Variants in EPHA3 observed in about 807,000 individuals in gnomAD.
The protein encoded by EPHA3 is EPH receptor A3, also known as ephrin type-A receptor 3.
In EPHA3, 42 loss-of-function variants were observed where a neutral mutation model predicts 107.1. The observed-to-expected ratio is 0.39, with a 90% confidence interval of 0.31 to 0.51. The LOEUF (loss-of-function observed/expected upper bound fraction) is 0.51, where lower values mean the gene tolerates loss of function less well. Among genes scored for constraint, EPHA3 ranks in the 20% least tolerant of loss-of-function variants. The pLI is 0.78. For synonymous variants in EPHA3, 461 were observed against 424.8 expected (o/e 1.09, Z -1.05); for missense variants, 1,183 against 1,211.2 (o/e 0.98, Z 0.35).
intron 5 of EPHA3, among the ~76,000 whole-genome samples, chr3:89,360,910 A>G (rs575822638): frequency 6.6e-6 from 1 of 151,082 alleles, no homozygotes; most frequent in South Asian, 2.1e-4. Context: ...TAATTGACCA[A>G]TGACAAAATT....
At chr3:89,365,805 A>G (rs1322837218) in intron 5 of EPHA3, among the ~76,000 whole-genome samples, 1 of 150,558 alleles carries the variant, frequency 6.6e-6, no homozygotes, top group Non-Finnish European at 1.5e-5. Flanking sequence ...TTCCCTTGAA[A>G]CAGAAAGCCC....
At chr3:89,223,767 A>G (rs1015911324) in intron 3 of EPHA3, among the ~76,000 whole-genome samples, 2 of 152,164 alleles carry the variant, frequency 1.3e-5, no homozygotes, top group African/African-American at 2.4e-5. Context: ...TAGCTTCCTC[A>G]TATGTAGATC....
At chr3:89,311,410 C>A (rs1007897608) in intron 3 of EPHA3, among the ~76,000 whole-genome samples, 2 of 151,930 alleles carry the variant, frequency 1.3e-5, no homozygotes, top group Admixed American at 1.3e-4. Flanking sequence ...TGAAACCATG[C>A]AAACTTTGGT....
At chr3:89,162,188 G>A (rs1202853890) in intron 2 of EPHA3, among the ~76,000 whole-genome samples, 1 of 151,840 alleles carries the variant, frequency 6.6e-6, no homozygotes, top group Admixed American at 6.6e-5. Context: ...ATTAAAATTG[G>A]GGATAACATG....
At chr3:89,334,068 A>C (rs1481675576) in intron 3 of EPHA3, among the ~76,000 whole-genome samples, 1 of 152,172 alleles carries the variant, frequency 6.6e-6, no homozygotes, top group Non-Finnish European at 1.5e-5. Context: ...CATTCCCATA[A>C]AATTCACAAA....
chr3:89,297,473 C>A (rs1404433072), intron 3 of EPHA3, among the ~76,000 whole-genome samples: 1 of 152,064 alleles, frequency 6.6e-6, no homozygotes, highest in Non-Finnish European at 1.5e-5. Context: ...ATTAAGGTTG[C>A]CATCTTTTAT....
intron 2 of EPHA3, among the ~76,000 whole-genome samples, chr3:89,141,484 C>A (rs1299949987): frequency 1.3e-5 from 2 of 151,542 alleles, no homozygotes; most frequent in Non-Finnish European, 3.0e-5. Flanking sequence ...ATAACTGATG[C>A]ATGTCTTGGT....
At chr3:89,274,025 A>G (rs1168822351) in intron 3 of EPHA3, among the ~76,000 whole-genome samples, 1 of 151,940 alleles carries the variant, frequency 6.6e-6, no homozygotes, top group African/African-American at 2.4e-5. Context: ...GAGTTGCCTT[A>G]TTTGACCTCA....
In EPHA3 at chr3:89,107,807, G is replaced by A. The variant is rs2106932572; in HGVS notation, c.59G>A (p.Gly20Glu). Residue 20 changes from glycine to glutamate, a missense_variant, in exon 1 of 17, where the codon GGG (glycine) becomes GAG (glutamate). Transcript: ENST00000336596. ...AGCTGCTCTGTTCTCGACAGCTTCG[G>A]GGAACTGATTCCGCAGCCTTCCAAT... ...LLSCSVLDSF[G>E]ELIPQPSNEV... 3.1e-6 allele frequency: 5 copies of A among 1,614,102 alleles called. No homozygotes were observed. The highest frequency in any genetic ancestry group is 4.2e-6 in the Non-Finnish European group (5 of 1,180,012).
chr3:89,168,208 G>T (rs1484143025), intron 2 of EPHA3, among the ~76,000 whole-genome samples: 1 of 152,108 alleles, frequency 6.6e-6, no homozygotes, highest in Non-Finnish European at 1.5e-5. Context: ...ATTTGTCCTA[G>T]ACCTCTGGCT....
In EPHA3 at chr3:89,413,201, C is replaced by G. The variant is rs776181530; in HGVS notation, c.1823C>G (p.Ala608Gly). The change falls in exon 10 of 17, where the codon GCT becomes GGT. Residue 608 changes from alanine (A) to glycine (G), a missense_variant. By Grantham distance (60) the Ala-to-Gly change is moderately conservative (BLOSUM62 0). Transcript: ENST00000336596. ...DPHTYEDPTQAVHEFAKELDA... is the reference protein window; with the variant it reads ...DPHTYEDPTQGVHEFAKELDA... ...CATACATATGAAGACCCTACCCAAG[C>G]TGTTCATGAGTTTGCCAAGGAATTG... is the stretch of plus-strand genomic sequence containing the variant. 13 of 1,611,948 alleles carry G rather than the reference C, an allele frequency of 8.1e-6. No individual in the cohort carries two copies. The highest frequency in any genetic ancestry group is 1.1e-5 in the Non-Finnish European group (13 of 1,178,522).
intron 2 of EPHA3, among the ~76,000 whole-genome samples, chr3:89,137,971 T>C (rs549952463): frequency 3.3e-5 from 5 of 151,870 alleles, no homozygotes; most frequent in African/African-American, 4.8e-5. Flanking sequence ...GGCCCAGCAA[T>C]AGGATTTTTA....
Position 89,203,480 on chromosome 3 carries a change from A to G in EPHA3, c.154-6380A>G, listed in dbSNP as rs1048631984. Among the ~76,000 whole-genome samples, 3 of 152,054 alleles carry G rather than the reference A, an allele frequency of 2.0e-5. 1 individual carries two copies. Among genetic ancestry groups the G allele is most frequent in the Admixed American group, 2.0e-4 (3 of 15,262 alleles). ...CTGAATCCCAGCTGGGAGAAAAATAACTTAAAGCTCCGGCTGGGCGCGGTG... is the reference window on the plus strand; with the variant it reads ...CTGAATCCCAGCTGGGAGAAAAATAGCTTAAAGCTCCGGCTGGGCGCGGTG... On this transcript the variant is annotated intron_variant, in intron 2 of 16. Transcript: ENST00000336596.
At chr3:89,135,434 A>G (rs902192620) in intron 2 of EPHA3, among the ~76,000 whole-genome samples, 2 of 152,190 alleles carry the variant, frequency 1.3e-5, no homozygotes, top group African/African-American at 4.8e-5. Context: ...CAGTTCCTGT[A>G]TTAATTGCCC....
chr3:89,377,643 T>C (rs979512013), intron 5 of EPHA3, among the ~76,000 whole-genome samples: 5 of 152,146 alleles, frequency 3.3e-5, no homozygotes, highest in African/African-American at 1.2e-4. Flanking sequence ...CTAGCATTTT[T>C]CCCTCATTTT....
chr3:89,107,625 T>G lies in EPHA3; in HGVS notation c.-124T>G. ...GCCAGACTCCTCCTTATCTCCAGTG[T>G]CAAACTTGACATCAGCCTGCGAGCG... On this transcript the variant is annotated 5_prime_UTR_variant, in exon 1 of 17. Coordinates refer to ENST00000336596, the MANE Select transcript of EPHA3 (RefSeq NM_005233.6). The G allele has an allele frequency of 1.1e-6, 1 of 924,088 alleles. No individual in the cohort carries two copies. Among genetic ancestry groups the G allele is most frequent in the Non-Finnish European group, 1.7e-6 (1 of 585,926 alleles). The allele number at this position is 924,088 out of a possible 1,614,324, so 57.2% of individuals were successfully genotyped here.
At position 89,157,615 on chromosome 3, in the gene EPHA3, C is replaced by A. The variant is rs755817589; in HGVS notation, c.153+30342C>A. Among the ~76,000 whole-genome samples the A allele has an allele frequency of 1.7e-3, 257 of 151,968 alleles. 2 individuals carry two copies. Among genetic ancestry groups the A allele is most frequent in the Non-Finnish European group, 2.2e-3 (147 of 67,964 alleles). On this transcript the variant is annotated intron_variant, in intron 2 of 16. Transcript: ENST00000336596. ...GCAGATGACTGTTGTAAAGGGGTAA[C>A]CTTGCGGGGATAAAACCAGGGCAGG...
intron 2 of EPHA3, among the ~76,000 whole-genome samples, chr3:89,207,963 CAAA>C (rs1706147162): frequency 1.3e-5 from 2 of 152,048 alleles, no homozygotes; most frequent in Non-Finnish European, 2.9e-5. Flanking sequence ...ATTAAATTTA[CAAA>C]TGAATAGGGG....
intron 3 of EPHA3, among the ~76,000 whole-genome samples, chr3:89,277,290 T>A (rs1248345748): frequency 3.3e-5 from 5 of 152,152 alleles, no homozygotes; most frequent in African/African-American, 1.2e-4. Context: ...AAAGAAGTAA[T>A]GATACCTAAA....
Sources: gnomAD v4.1 joint callset for allele counts (sites outside exome capture counted in the v4.1 genomes callset) on GRCh38, gnomAD v4.1.1 for gene constraint, MANE v1.5 for transcripts, NCBI Gene and HGNC (gene_info 2026-07-23, HGNC 2026-07-21) for gene names.